LY86: variants seen among roughly 807,000 people sequenced by gnomAD.
The protein encoded by LY86 is lymphocyte antigen 86, also known as MD-1, RP105-associated.
Under a neutral mutation model 17.3 loss-of-function variants are expected in LY86, and 20 were observed. The observed-to-expected ratio is 1.15, with a 90% CI of 0.81 to 1.68. LY86 has a LOEUF of 1.68. Among genes scored for constraint, LY86 ranks in the 40% most tolerant of loss-of-function variants. The probability of loss-of-function intolerance (pLI) is 0.00; values close to 1 mark genes in which losing one functional copy is unlikely to be tolerated. For missense variants in LY86, 200 were observed against 191.9 expected (o/e 1.04, Z -0.25); for synonymous variants, 74 against 70.6 (o/e 1.05, Z -0.24).
At chr6:6,633,990 C>T (rs1472189779) in intron 3 of LY86, among the ~76,000 whole-genome samples, 4 of 152,052 alleles carry the variant, frequency 2.6e-5, no homozygotes, top group Admixed American at 2.6e-4. Flanking sequence ...TTGAAAGCTG[C>T]GATTGATGTA....
At chr6:6,653,378 C>A (rs1762215505) in intron 4 of LY86, among the ~76,000 whole-genome samples, 1 of 152,190 alleles carries the variant, frequency 6.6e-6, no homozygotes, top group South Asian at 2.1e-4. Flanking sequence ...AGTCTCCTGG[C>A]CTCCTCTGCC....
At chr6:6,643,818 G>GTGTA (rs139691548) in intron 3 of LY86, among the ~76,000 whole-genome samples, 3,097 of 152,272 alleles carry the variant, frequency 0.02, 105 homozygotes, top group African/African-American at 0.068. Flanking sequence ...TGCTAACCAC[G>GTGTA]TTATACAACT....
chr6:6,653,300 C>G (rs1762214447), intron 4 of LY86, among the ~76,000 whole-genome samples: 1 of 152,066 alleles, frequency 6.6e-6, no homozygotes, highest in Non-Finnish European at 1.5e-5. Flanking sequence ...CCTACTCCTT[C>G]CCTCTTGCTT....
In LY86 at chr6:6,638,621, C is replaced by T. The variant is rs1439872587; in HGVS notation, c.353-11004C>T. 3.9e-5 allele frequency among the ~76,000 whole-genome samples: 6 copies of T among 152,126 alleles called. No homozygotes were observed. The East Asian group carries it at 1.2e-3, about 29-fold the overall frequency. The stretch of plus-strand genomic sequence containing the variant: ...CCCATTTTTGTGGAATGTTCTATTG[C>T]ACAGATCTGACCTAGTAGTATCTAT... On this transcript the variant is annotated intron_variant, in intron 3 of 4. Coordinates refer to ENST00000230568, the MANE Select transcript of LY86 (RefSeq NM_004271.4).
At chr6:6,617,208 A>G (rs2113129383) in intron 1 of LY86, among the ~76,000 whole-genome samples, 1 of 152,306 alleles carries the variant, frequency 6.6e-6, no homozygotes, top group East Asian at 1.9e-4. Flanking sequence ...CTACTTAACC[A>G]ATAGTAGGGC....
At chr6:6,629,842 G>A (rs1363569625) in intron 3 of LY86, among the ~76,000 whole-genome samples, 1 of 152,192 alleles carries the variant, frequency 6.6e-6, no homozygotes, top group African/African-American at 2.4e-5. Context: ...TATGGCCAAC[G>A]ATAGGGCATT....
At chr6:6,632,462 T>G (rs931276521) in intron 3 of LY86, among the ~76,000 whole-genome samples, 24 of 152,222 alleles carry the variant, frequency 1.6e-4, no homozygotes, top group Admixed American at 1.5e-3. Flanking sequence ...GTCCCTGGGC[T>G]TCCTCCCCTA....
At chr6:6,628,681 G>A (rs1161994951) in intron 3 of LY86, among the ~76,000 whole-genome samples, 4 of 152,168 alleles carry the variant, frequency 2.6e-5, no homozygotes, top group African/African-American at 4.8e-5. Context: ...TGAATTTTAC[G>A]GTTAGTGTGT....
intron 3 of LY86, among the ~76,000 whole-genome samples, chr6:6,630,305 G>A (rs922451020): frequency 6.6e-5 from 10 of 152,216 alleles, no homozygotes; most frequent in South Asian, 2.1e-4. Flanking sequence ...AAAGAGTTGC[G>A]TAGAATATCA....
intron 2 of LY86, among the ~76,000 whole-genome samples, chr6:6,625,603 T>A (rs1761771821): frequency 6.6e-6 from 1 of 152,192 alleles, no homozygotes; most frequent in Non-Finnish European, 1.5e-5. Flanking sequence ...AGCAGTTATA[T>A]CAAAATCAAA....
intron 1 of LY86, among the ~76,000 whole-genome samples, chr6:6,605,641 C>T (rs771357283): frequency 1.2e-4 from 18 of 152,216 alleles, no homozygotes; most frequent in Non-Finnish European, 2.4e-4. Flanking sequence ...CCAATGTTTT[C>T]GCTATGTTCT....
chr6:6,590,185 C>T (rs575752465), intron 1 of LY86, among the ~76,000 whole-genome samples: 1 of 149,772 alleles, frequency 6.7e-6, no homozygotes, highest in Non-Finnish European at 1.5e-5. Flanking sequence ...ATACCGTAGT[C>T]CCCCCCCAGT....
intron 3 of LY86, among the ~76,000 whole-genome samples, chr6:6,649,379 C>T (rs1431248314): frequency 6.6e-6 from 1 of 152,238 alleles, no homozygotes. Context: ...TGGACAGAGA[C>T]TTCTTTTTTT....
At chr6:6,633,088 A>G (rs1561790237) in intron 3 of LY86, among the ~76,000 whole-genome samples, 19 of 152,352 alleles carry the variant, frequency 1.2e-4, no homozygotes, top group Non-Finnish European at 1.5e-5. Flanking sequence ...TGAAAGTGAA[A>G]TAAGTTAAAT....
intron 4 of LY86, among the ~76,000 whole-genome samples, chr6:6,650,354 T>A (rs75052893): frequency 6.6e-6 from 1 of 151,216 alleles, no homozygotes; most frequent in Non-Finnish European, 1.5e-5. Context: ...TTTTTTTTTT[T>A]GAGAGAGTCT....
chr6:6,637,804 G>A (rs889454234), intron 3 of LY86, among the ~76,000 whole-genome samples: 3 of 152,178 alleles, frequency 2.0e-5, no homozygotes, highest in Admixed American at 6.5e-5. Context: ...TGAGGATCAA[G>A]TCAATTTCTT....
intron 1 of LY86, chr6:6,622,689 CAAT>C (rs1242167462): frequency 5.3e-5 from 8 of 152,164 alleles, no homozygotes; most frequent in African/African-American, 1.9e-4. Context: ...ATATCATAGA[CAAT>C]GATGCATCTT....
At chr6:6,589,516 G>C (rs896442087) in intron 1 of LY86, among the ~76,000 whole-genome samples, 1 of 152,216 alleles carries the variant, frequency 6.6e-6, no homozygotes, top group Non-Finnish European at 1.5e-5. Context: ...TGAAGAGAAT[G>C]CAGTGAACTG....
chr6:6,647,420 C>G (rs1021522408), intron 3 of LY86, among the ~76,000 whole-genome samples: 4 of 151,854 alleles, frequency 2.6e-5, no homozygotes, highest in African/African-American at 9.7e-5. Flanking sequence ...TCTTTTGCTC[C>G]CTCTTATAAC....
Sources: gnomAD v4.1 joint callset for allele counts (sites outside exome capture counted in the v4.1 genomes callset) on GRCh38, gnomAD v4.1.1 for gene constraint, MANE v1.5 for transcripts, NCBI Gene and HGNC (gene_info 2026-07-23, HGNC 2026-07-21) for gene names.